Variants in TEX10 observed in about 807,000 individuals in gnomAD.
TEX10 encodes testis-expressed protein 10.
A neutral mutation model predicts 104.4 loss-of-function variants in TEX10; 24 were observed. The ratio of observed to expected loss-of-function variants is 0.23; its 90% CI spans 0.17 to 0.32. The LOEUF (loss-of-function observed/expected upper bound fraction) is 0.32. Ranked by LOEUF, TEX10 falls within the 10% of genes least tolerant of loss-of-function variation. The pLI, the probability that TEX10 is intolerant of heterozygous loss-of-function variation, is 1.00. For synonymous variants in TEX10, 396 were observed against 393.4 expected, an observed-to-expected ratio of 1.01 and a Z score of -0.08; for missense variants, 921 against 1,083.9, an observed-to-expected ratio of 0.85 and a Z score of 2.11.
At chr9:100,312,131 C>T (rs1834297992) in intron 11 of TEX10, among the ~76,000 whole-genome samples, 1 of 152,188 alleles carries the variant, frequency 6.6e-6, no homozygotes, top group Non-Finnish European at 1.5e-5. Flanking sequence ...CCAAAACAAA[C>T]ATGGTGAATA....
intron 5 of TEX10, among the ~76,000 whole-genome samples, chr9:100,331,804 A>C (rs1473252278): frequency 1.3e-5 from 2 of 152,248 alleles, no homozygotes; most frequent in Admixed American, 6.5e-5. Flanking sequence ...GCAGCACTCC[A>C]GACAAGAGAT....
chr9:100,352,592 C>G, intron 1 of TEX10, 180 bp downstream of exon 1: 2 of 1,503,306 alleles, frequency 1.3e-6, no homozygotes, highest in Non-Finnish European at 1.8e-6. Context: ...GGTCCCGCCC[C>G]CGCAGTGCCG....
intron 5 of TEX10, among the ~76,000 whole-genome samples, chr9:100,339,376 A>ATT (rs1835113971): frequency 2.1e-5 from 3 of 143,210 alleles, no homozygotes; most frequent in African/African-American, 5.1e-5. Context: ...ATATATTTAT[A>ATT]TATATTTATA....
At chr9:100,342,874 G>A (rs907789383) in intron 4 of TEX10, among the ~76,000 whole-genome samples, 4 of 152,092 alleles carry the variant, frequency 2.6e-5, no homozygotes, top group Admixed American at 6.5e-5. Flanking sequence ...TCGGCCGGGC[G>A]CGTTGGCTCA....
At chr9:100,345,234 G>A (rs762696167) in intron 4 of TEX10, among the ~76,000 whole-genome samples, 19 of 152,178 alleles carry the variant, frequency 1.2e-4, no homozygotes, top group Admixed American at 5.2e-4. Flanking sequence ...TGAGTTAACA[G>A]CAATAGAACA....
rs984164030 is a variant in TEX10 at position 100,346,051 on chromosome 9, T to A, written c.1137+21A>T. On this transcript the variant is annotated intron_variant, in intron 4 of 14. Coordinates refer to ENST00000374902, the MANE Select transcript of TEX10 (RefSeq NM_017746.4). ...TAAAAGGCTATTAATACTAAGAAAATAAAGAACCATTAGTTCTCACCAATT... is the reference window on the plus strand; with the variant it reads ...TAAAAGGCTATTAATACTAAGAAAAAAAAGAACCATTAGTTCTCACCAATT... 2.5e-6 allele frequency: 4 copies of A among 1,586,082 alleles called. No individual in the cohort carries two copies. The African/African-American group carries it at 5.4e-5, about 22-fold the overall frequency.
intron 5 of TEX10, among the ~76,000 whole-genome samples, chr9:100,335,078 A>G (rs1385114694): frequency 6.6e-6 from 1 of 152,222 alleles, no homozygotes; most frequent in Non-Finnish European, 1.5e-5. Context: ...GGAAAATACA[A>G]GTAAGAAATT....
At chr9:100,350,672 T>C (rs1835416934) in intron 1 of TEX10, among the ~76,000 whole-genome samples, 1 of 152,144 alleles carries the variant, frequency 6.6e-6, no homozygotes, top group South Asian at 2.1e-4. Flanking sequence ...GTGACAATGC[T>C]ACACATGAGG....
chr9:100,346,723 C>A lies in TEX10; in HGVS notation c.864G>T (p.Gln288His), dbSNP rs748267775. ...HIQVYENGGSQPNVSSQFRLR... is the reference protein window; with the variant it reads ...HIQVYENGGSHPNVSSQFRLR... ...GCCTGAACTGTGAACTGACATTTGG[C>A]TGTGAACCCCCATTTTCATAAACCT... The change falls in exon 3 of 15, where the codon CAG becomes CAT. Residue 288 changes from glutamine (Q) to histidine (H), a missense_variant. Gln to His is a conservative substitution (Grantham distance 24). This residue lies in a region of TEX10 where 753 missense variants were observed against 868.4 expected (regional missense o/e 0.87). Transcript: ENST00000374902. 6.2e-7 allele frequency: 1 copy of A among 1,613,428 alleles called. No individual in the cohort carries two copies. The highest frequency in any genetic ancestry group is 8.5e-7 in the Non-Finnish European group (1 of 1,179,616).
At chr9:100,332,361 G>A (rs539792296) in intron 5 of TEX10, among the ~76,000 whole-genome samples, 30 of 152,250 alleles carry the variant, frequency 2.0e-4, no homozygotes, top group African/African-American at 4.8e-4. Flanking sequence ...ATTACAATCC[G>A]GAAAGTCTCA....
At chr9:100,341,445 A>C (rs1281733095) in intron 4 of TEX10, among the ~76,000 whole-genome samples, 1 of 152,202 alleles carries the variant, frequency 6.6e-6, no homozygotes, top group African/African-American at 2.4e-5. Flanking sequence ...CTTAAAACTT[A>C]ACATGAATAA....
At chr9:100,320,562 C>T (rs575127783) in intron 10 of TEX10, among the ~76,000 whole-genome samples, 164 bp from the exon 11 acceptor site, 9 of 152,236 alleles carry the variant, frequency 5.9e-5, no homozygotes, top group Non-Finnish European at 1.2e-4. Flanking sequence ...AAATAAAATG[C>T]TAGCAATGAA....
chr9:100,330,210 A>G (rs1479594086), intron 5 of TEX10, 41 bp from the exon 6 acceptor site: 7 of 1,358,416 alleles, frequency 5.2e-6, no homozygotes, highest in Non-Finnish European at 7.2e-6. Flanking sequence ...CATTACGTCT[A>G]CCATGCCTGC....
chr9:100,341,547 A>G lies in TEX10; in HGVS notation c.1138-1178T>C, dbSNP rs1462947901. On this transcript the variant is annotated intron_variant, in intron 4 of 14. Transcript: ENST00000374902. The stretch of plus-strand genomic sequence containing the variant: ...GACTCCTCTTTCCTTCATTATACAT[A>G]CCAACAGTCTGGCTGGCTTTACCTA... Among the ~76,000 whole-genome samples, 6 of 152,178 alleles carry G rather than the reference A, an allele frequency of 3.9e-5. No homozygotes were observed. The East Asian group carries it at 1.2e-3, about 29-fold the overall frequency.
intron 14 of TEX10, among the ~76,000 whole-genome samples, 188 bp downstream of exon 14, chr9:100,303,444 C>A (rs1202500616): frequency 2.0e-5 from 3 of 148,702 alleles, no homozygotes; most frequent in East Asian, 3.9e-4. Context: ...ACACACCCCC[C>A]CCCCCATTAA....
chr9:100,302,995 C>T (rs1315852259), intron 14 of TEX10, among the ~76,000 whole-genome samples: 1 of 150,092 alleles, frequency 6.7e-6, no homozygotes, highest in Non-Finnish European at 1.5e-5. Context: ...CAAACAGACA[C>T]AGCTGAAGGC....
chr9:100,345,588 G>A (rs891404489), intron 4 of TEX10, among the ~76,000 whole-genome samples: 1 of 152,136 alleles, frequency 6.6e-6, no homozygotes, highest in Non-Finnish European at 1.5e-5. Context: ...GAAAAGTGTA[G>A]CATACACTAT....
At chr9:100,304,842 A>T (rs1358415600) in intron 13 of TEX10, 2 of 152,170 alleles carry the variant, frequency 1.3e-5, no homozygotes, top group Non-Finnish European at 2.9e-5. Flanking sequence ...TGGCAAAAGA[A>T]TGAGACTCCG....
intron 13 of TEX10, chr9:100,304,236 T>TA (rs1049188907): frequency 2.1e-4 from 45 of 211,010 alleles, no homozygotes; most frequent in South Asian, 4.0e-4. Flanking sequence ...TTCACACAAT[T>TA]AAAAAAAAAT....
Sources: allele counts gnomAD v4.1 joint callset (sites outside exome capture counted in the v4.1 genomes callset), GRCh38; gene constraint gnomAD v4.1.1; regional missense constraint gnomAD v4.1.1; transcripts MANE v1.5; gene names NCBI Gene and HGNC (gene_info 2026-07-23, HGNC 2026-07-21).